Variants in ARMH4 observed in about 807,000 individuals in gnomAD.
ARMH4 encodes the protein armadillo-like helical domain-containing protein 4.
Under a neutral mutation model 61.9 loss-of-function variants are expected in ARMH4, and 49 were observed. That is an observed-to-expected ratio of 0.79 (90% CI 0.63 to 1.00). ARMH4 has a LOEUF of 1.00. ARMH4 is among the 50% of genes least tolerant of loss of function. The pLI, the probability that ARMH4 is intolerant of heterozygous loss-of-function variation, is 0.00. For synonymous variants in ARMH4, 368 were observed against 341.5 expected, an observed-to-expected ratio of 1.08 and a Z score of -0.85; for missense variants, 934 against 930.0, an observed-to-expected ratio of 1.00 and a Z score of -0.06.
intron 5 of ARMH4, among the ~76,000 whole-genome samples, chr14:58,080,601 GAGGGAGACA>G (rs1885190725): frequency 6.6e-6 from 1 of 152,178 alleles, no homozygotes; most frequent in Non-Finnish European, 1.5e-5. Flanking sequence ...GAGAGAGAGG[GAGGGAGACA>G]AGGGCTGAAA....
chr14:58,026,453 G>T (rs1883024117), intron 5 of ARMH4, among the ~76,000 whole-genome samples: 1 of 152,122 alleles, frequency 6.6e-6, no homozygotes, highest in Admixed American at 6.6e-5. Context: ...CAGGGAAACT[G>T]AAATTCTCAT....
intron 5 of ARMH4, among the ~76,000 whole-genome samples, chr14:58,044,146 C>T (rs536990469): frequency 6.6e-5 from 10 of 152,116 alleles, no homozygotes; most frequent in South Asian, 4.2e-4. Context: ...AAAAAGAGCC[C>T]GCATTGCCAA....
intron 5 of ARMH4, among the ~76,000 whole-genome samples, chr14:58,032,239 G>A (rs1205889306): frequency 6.6e-6 from 1 of 152,156 alleles, no homozygotes; most frequent in East Asian, 1.9e-4. Context: ...GGCCTGGCAT[G>A]CAGAAGACAC....
rs1887360771 is a variant in ARMH4, at chr14:58,137,943, A to T, written c.1369+47T>A. On this transcript the variant is annotated intron_variant, in intron 2 of 7. Transcript: ENST00000267485. ...AATTGCCATTAAAAAAAAAATTGAA[A>T]GTTTCCAAATTAAACCAAAGTTTGT... 1.9e-6 allele frequency: 3 copies of T among 1,544,904 alleles called. No homozygotes were observed. In the South Asian group the frequency reaches 3.7e-5, roughly 19 times the overall value.
intron 5 of ARMH4, among the ~76,000 whole-genome samples, chr14:58,048,975 T>A (rs565703686): frequency 6.6e-6 from 1 of 152,116 alleles, no homozygotes; most frequent in East Asian, 1.9e-4. Flanking sequence ...CCGTGGCTCA[T>A]GCCTGTAATC....
intron 5 of ARMH4, among the ~76,000 whole-genome samples, chr14:58,048,493 C>G (rs374301762): frequency 6.6e-6 from 1 of 152,176 alleles, no homozygotes; most frequent in Non-Finnish European, 1.5e-5. Flanking sequence ...GAGGCATTCC[C>G]GTAACACTGA....
At chr14:58,106,186 G>C (rs1886159912) in intron 4 of ARMH4, among the ~76,000 whole-genome samples, 1 of 152,240 alleles carries the variant, frequency 6.6e-6, no homozygotes, top group South Asian at 2.1e-4. Flanking sequence ...GGAACGACGG[G>C]CTCCTTGCCA....
chr14:58,024,139 C>A (rs1276728326), intron 5 of ARMH4, among the ~76,000 whole-genome samples: 1 of 152,168 alleles, frequency 6.6e-6, no homozygotes, highest in African/African-American at 2.4e-5. Context: ...TCTTTTGAAG[C>A]TTTGAAGCCA....
chr14:58,080,907 G>C (rs1885202663), intron 5 of ARMH4, among the ~76,000 whole-genome samples: 1 of 152,028 alleles, frequency 6.6e-6, no homozygotes, highest in Non-Finnish European at 1.5e-5. Context: ...TTTAAGACCA[G>C]CCTGGGCAAT....
intron 4 of ARMH4, among the ~76,000 whole-genome samples, chr14:58,107,875 C>A (rs1464384441): frequency 1.3e-5 from 2 of 152,032 alleles, no homozygotes; most frequent in Non-Finnish European, 2.9e-5. Flanking sequence ...GCCTTTCTCC[C>A]ACTTCTCCCA....
chr14:58,004,737 C>T lies in ARMH4; in HGVS notation c.2324G>A (p.Ter775=), dbSNP rs145902415. ...ATCCCAATTAAAACCCAGTCCAATT[C>T]AAAATTCATCTTCAGAGCTGTCGGC... ...LLADSSEDEF[*] The change falls in exon 8 of 8, where the codon TGA becomes TAA. Residue 775 remains the stop codon, a stop_retained_variant. Transcript: ENST00000267485. 5 of 1,604,876 alleles carry T rather than the reference C, an allele frequency of 3.1e-6. No individual in the cohort carries two copies. In the African/African-American group the frequency reaches 6.7e-5, roughly 21 times the overall value.
chr14:58,047,883 C>T (rs971042093), intron 5 of ARMH4, among the ~76,000 whole-genome samples: 10 of 152,128 alleles, frequency 6.6e-5, no homozygotes, highest in Non-Finnish European at 1.3e-4. Context: ...TAAGCATCCA[C>T]CCAGAAAAGC....
chr14:58,032,603 CAGA>C (rs1243922532), intron 5 of ARMH4, among the ~76,000 whole-genome samples: 7 of 152,282 alleles, frequency 4.6e-5, no homozygotes, highest in Admixed American at 2.6e-4. Context: ...GTGAGCGACG[CAGA>C]AGACGGGTGA....
chr14:58,032,693 G>T (rs934790721), intron 5 of ARMH4, among the ~76,000 whole-genome samples: 1 of 151,764 alleles, frequency 6.6e-6, no homozygotes, highest in African/African-American at 2.4e-5. Flanking sequence ...CAGTGTGTGC[G>T]CGCACCGTGC....
intron 4 of ARMH4, among the ~76,000 whole-genome samples, chr14:58,130,124 T>C (rs1390191698): frequency 6.6e-6 from 1 of 152,180 alleles, no homozygotes; most frequent in Non-Finnish European, 1.5e-5. Context: ...CTAACTCAGG[T>C]TAATTTAGGG....
intron 5 of ARMH4, among the ~76,000 whole-genome samples, chr14:58,062,453 G>A (rs1334649635): frequency 6.6e-6 from 1 of 152,178 alleles, no homozygotes; most frequent in Non-Finnish European, 1.5e-5. Context: ...CTTAACAGAA[G>A]AAACAGGCAG....
chr14:58,039,397 C>T (rs1317531871), intron 5 of ARMH4, among the ~76,000 whole-genome samples: 1 of 152,166 alleles, frequency 6.6e-6, no homozygotes, highest in Non-Finnish European at 1.5e-5. Flanking sequence ...AAGAGAAACG[C>T]CTATTTACCC....
At chr14:58,081,573 T>A (rs955534935) in intron 5 of ARMH4, among the ~76,000 whole-genome samples, 17 of 151,752 alleles carry the variant, frequency 1.1e-4, no homozygotes, top group Non-Finnish European at 1.9e-4. Flanking sequence ...CTATCTCGGC[T>A]CACTGCAAGC....
In ARMH4 at chr14:58,096,929, C is replaced by T. The variant is rs1885772840; in HGVS notation, c.1884G>A (p.Glu628=). 6 of 1,613,786 alleles carry T rather than the reference C, an allele frequency of 3.7e-6. No individual in the cohort carries two copies. Among genetic ancestry groups the T allele is most frequent in the African/African-American group, 2.7e-5 (2 of 74,870 alleles). Residue 628 remains glutamate (E), a synonymous_variant, in exon 5 of 8, where the codon GAG becomes GAA. Transcript: ENST00000267485. The stretch of plus-strand genomic sequence containing the variant: ...CTTCCTCATCTTCTTCCTCATCTTC[C>T]TCTTCTTCATCTTCATCTTCTTCAT... ...EEDEEDEDEE[E]EDEEEDEEDK... is the part of the protein sequence containing the mutation.
Sources: allele counts gnomAD v4.1 joint callset (sites outside exome capture counted in the v4.1 genomes callset), GRCh38; gene constraint gnomAD v4.1.1; transcripts MANE v1.5; gene names NCBI Gene and HGNC (gene_info 2026-07-23, HGNC 2026-07-21).